MAGI2: variants seen among roughly 807,000 people sequenced by gnomAD.
The protein encoded by MAGI2 is membrane-associated guanylate kinase, WW and PDZ domain-containing protein 2.
A neutral mutation model predicts 133.3 loss-of-function variants in MAGI2; 35 were observed. The observed-to-expected ratio is 0.26, with a 90% confidence interval of 0.20 to 0.35. The LOEUF is 0.35. MAGI2 is among the 10% of genes least tolerant of loss of function. The pLI is 1.00. For missense variants in MAGI2, 1,636 were observed against 1,863.4 expected (o/e 0.88, Z 2.25); for synonymous variants, 729 against 710.6 (o/e 1.03, Z -0.41).
At chr7:79,416,093 T>C (rs990225923) in intron 1 of MAGI2, among the ~76,000 whole-genome samples, 5 of 151,994 alleles carry the variant, frequency 3.3e-5, no homozygotes, top group African/African-American at 1.2e-4. Context: ...CTTCAAGGGG[T>C]AACAATGAGA....
chr7:78,838,786 A>C (rs889187854), intron 2 of MAGI2, among the ~76,000 whole-genome samples: 2 of 152,106 alleles, frequency 1.3e-5, no homozygotes, highest in African/African-American at 2.4e-5. Context: ...TCAATTAAAT[A>C]GTTACAGAAT....
Position 78,360,842 on chromosome 7 carries a change from T to C in MAGI2, c.1103+8314A>G, listed in dbSNP as rs145001694. Among the ~76,000 whole-genome samples, 173 of 152,318 alleles carry C rather than the reference T, an allele frequency of 1.1e-3. 2 individuals carry two copies. The highest frequency in any genetic ancestry group is 2.1e-3 in the Non-Finnish European group (145 of 68,030). On this transcript the variant is annotated intron_variant, in intron 7 of 21. Coordinates refer to ENST00000354212, the MANE Select transcript of MAGI2 (RefSeq NM_012301.4). ...CCTTCACAAGGCCATTCTCGAGTTCTCATGGTCCTATAAAAATGATGGAGT... is the reference window on the plus strand; with the variant it reads ...CCTTCACAAGGCCATTCTCGAGTTCCCATGGTCCTATAAAAATGATGGAGT...
chr7:78,723,909 A>G (rs1820510763), intron 2 of MAGI2, among the ~76,000 whole-genome samples: 1 of 152,176 alleles, frequency 6.6e-6, no homozygotes, highest in Admixed American at 6.5e-5. Context: ...ACGAAGCCAC[A>G]CTCGGGAATA....
chr7:78,070,174 C>CACATATATATATAT (rs1321917404), intron 21 of MAGI2, among the ~76,000 whole-genome samples: 2 of 56,656 alleles, frequency 3.5e-5, no homozygotes, highest in African/African-American at 1.4e-4. Flanking sequence ...CACACACACA[C>CACATATATATATAT]ATATATATAT....
At chr7:79,252,379 G>A (rs1833373205) in intron 1 of MAGI2, among the ~76,000 whole-genome samples, 1 of 152,036 alleles carries the variant, frequency 6.6e-6, no homozygotes, top group South Asian at 2.1e-4. Flanking sequence ...ATTTGTGAGA[G>A]CTAAAAATTA....
intron 20 of MAGI2, among the ~76,000 whole-genome samples, chr7:78,121,431 A>C (rs1820466295): frequency 6.6e-6 from 1 of 152,168 alleles, no homozygotes; most frequent in Non-Finnish European, 1.5e-5. Context: ...AAAATGAGGA[A>C]AGACATGTAC....
intron 1 of MAGI2, among the ~76,000 whole-genome samples, chr7:79,038,163 A>G (rs931142849): frequency 6.6e-6 from 1 of 152,206 alleles, no homozygotes; most frequent in African/African-American, 2.4e-5. Flanking sequence ...CATCTTCATT[A>G]GCTGGCATAT....
At chr7:79,203,657 T>C (rs539784358) in intron 1 of MAGI2, among the ~76,000 whole-genome samples, 3 of 152,154 alleles carry the variant, frequency 2.0e-5, no homozygotes, top group African/African-American at 7.2e-5. Flanking sequence ...TTTATATATA[T>C]TGACTTGCTC....
At chr7:78,141,520 A>T (rs1370564274) in intron 16 of MAGI2, among the ~76,000 whole-genome samples, 3 of 152,136 alleles carry the variant, frequency 2.0e-5, no homozygotes, top group African/African-American at 7.2e-5. Context: ...TTGTATTTTA[A>T]AGTTTTTTTT....
chr7:78,577,101 A>G (rs1278586286), intron 3 of MAGI2, among the ~76,000 whole-genome samples: 1 of 152,200 alleles, frequency 6.6e-6, no homozygotes, highest in Non-Finnish European at 1.5e-5. Context: ...TCTACATAAT[A>G]GATTCTAAAG....
At chr7:78,070,606 GTA>G (rs200495407) in intron 21 of MAGI2, among the ~76,000 whole-genome samples, 1 of 49,082 alleles carries the variant, frequency 2.0e-5, no homozygotes, top group African/African-American at 4.3e-5. Flanking sequence ...GTATATATGT[GTA>G]TATATATATG....
intron 1 of MAGI2, among the ~76,000 whole-genome samples, chr7:79,345,815 G>A (rs973391160): frequency 6.6e-6 from 1 of 152,026 alleles, no homozygotes; most frequent in African/African-American, 2.4e-5. Flanking sequence ...TTAAGTGTAT[G>A]CCTGAGTTCA....
At chr7:78,713,520 A>G (rs576045690) in intron 2 of MAGI2, among the ~76,000 whole-genome samples, 2 of 152,300 alleles carry the variant, frequency 1.3e-5, no homozygotes, top group Admixed American at 6.5e-5. Context: ...GAATTCATTG[A>G]CAGACTCAGT....
chr7:79,440,973 T>C (rs1396490337), intron 1 of MAGI2, among the ~76,000 whole-genome samples: 1 of 152,176 alleles, frequency 6.6e-6, no homozygotes, highest in African/African-American at 2.4e-5. Context: ...GAAAAGTAAA[T>C]AGTCTTTTGT....
chr7:78,020,046 G>C, intron 21 of MAGI2, 70 bp from the exon 22 acceptor site: 1 of 1,373,002 alleles, frequency 7.3e-7, no homozygotes, highest in East Asian at 2.6e-5. Flanking sequence ...CTACGCCGGG[G>C]ACAGGGGCAG....
chr7:78,391,307 A>G (rs1449535873), intron 6 of MAGI2, among the ~76,000 whole-genome samples: 1 of 152,220 alleles, frequency 6.6e-6, no homozygotes, highest in Non-Finnish European at 1.5e-5. Context: ...TCATAATTTA[A>G]TATCTAGTAT....
At chr7:78,930,509 G>T (rs189350954) in intron 2 of MAGI2, among the ~76,000 whole-genome samples, 3 of 152,134 alleles carry the variant, frequency 2.0e-5, no homozygotes, top group Admixed American at 2.0e-4. Context: ...GATTCAATGG[G>T]TTAATCTTGC....
At chr7:78,525,971 G>A (rs180898081) in intron 3 of MAGI2, among the ~76,000 whole-genome samples, 1 of 152,194 alleles carries the variant, frequency 6.6e-6, no homozygotes, top group African/African-American at 2.4e-5. Context: ...GACTAGATCA[G>A]AGTAGATGCT....
At chr7:78,195,457 T>C (rs1325535630) in intron 11 of MAGI2, among the ~76,000 whole-genome samples, 1 of 152,234 alleles carries the variant, frequency 6.6e-6, no homozygotes, top group African/African-American at 2.4e-5. Flanking sequence ...GGTTTCAACA[T>C]ATTACATCAC....
Sources: gnomAD v4.1 joint callset for allele counts (sites outside exome capture counted in the v4.1 genomes callset) on GRCh38, gnomAD v4.1.1 for gene constraint, MANE v1.5 for transcripts, NCBI Gene and HGNC (gene_info 2026-07-23, HGNC 2026-07-21) for gene names.